The following OR7G3 variants were observed in gnomAD, a reference collection of about 807,000 sequenced individuals.
OR7G3 encodes olfactory receptor 7G3.
For missense variants in OR7G3, 352 were observed against 372.1 expected, an observed-to-expected ratio of 0.95 and a Z score of 0.44; for synonymous variants, 143 against 157.6, an observed-to-expected ratio of 0.91 and a Z score of 0.69.
In OR7G3 at chr19:9,126,325, A is replaced by G; in HGVS notation, c.626T>C (p.Val209Ala). 6.2e-7 allele frequency: 1 copy of G among 1,614,206 alleles called. No homozygotes were observed. The highest frequency in any genetic ancestry group is 8.5e-7 in the Non-Finnish European group (1 of 1,180,032). ...VYLVTSLLGVVPLSGIIFSYT... is the reference protein window; with the variant it reads ...VYLVTSLLGVAPLSGIIFSYT... ...AGAGAAAATGATCCCAGAGAGAGGA[A>G]CAACACCTAACAGGCTGGTCACCAA... The change falls in exon 1 of 1, where the codon GTT (valine) becomes GCT (alanine). Residue 209 changes from valine to alanine, a missense_variant. Transcript: ENST00000305444.
rs1334184458 is a variant in OR7G3 at position 9,126,682 on chromosome 19, T to C, written c.269A>G (p.Gln90Arg). 1.9e-6 allele frequency: 3 copies of C among 1,613,998 alleles called. No homozygotes were observed. The highest frequency in any genetic ancestry group is 3.3e-5 in the Admixed American group (2 of 59,960). ...GAGGCAGCCTGTGTAATTGATGGAT[T>C]GAGCCTGTGCCTGGATGTTCACCAG... is the stretch of plus-strand genomic sequence containing the variant. ...KMLVNIQAQA[Q>R]SINYTGCLTQ... is the part of the protein sequence containing the mutation. The change falls in exon 1 of 1, where the codon CAA becomes CGA. Residue 90 changes from glutamine to arginine, a missense_variant. Gln to Arg is a conservative substitution (Grantham distance 43, BLOSUM62 1). Coordinates refer to ENST00000305444, the MANE Select transcript of OR7G3 (RefSeq NM_001001958.1).
chr19:9,126,847 T>A lies in OR7G3; in HGVS notation c.104A>T (p.Tyr35Phe), dbSNP rs1487842963. ...CAGGTTCCCCAGCATTGTGGCCAGG[T>A]ACATGGACAGGAACAGCATGAAGAG... Reference protein sequence around the residue: ...PILFMLFLSMYLATMLGNLLI... With the variant: ...PILFMLFLSMFLATMLGNLLI... The change falls in exon 1 of 1, where the codon TAC (tyrosine) becomes TTC (phenylalanine). Residue 35 changes from tyrosine (Y) to phenylalanine (F), a missense_variant. Physicochemically the swap from Tyr to Phe is conservative, Grantham distance 22. Coordinates refer to ENST00000305444, the MANE Select transcript of OR7G3 (RefSeq NM_001001958.1). 2 of 1,613,776 alleles carry A rather than the reference T, an allele frequency of 1.2e-6. No homozygotes were observed. The highest frequency in any genetic ancestry group is 1.7e-6 in the Non-Finnish European group (2 of 1,179,956).
chr19:9,126,176 A>G lies in OR7G3; in HGVS notation c.775T>C (p.Tyr259His), dbSNP rs1263866639. Reference protein sequence around the residue: ...SLFYGTGFGVYLSSGATHSSR... With the variant: ...SLFYGTGFGVHLSSGATHSSR... ...GAGTGGGTAGCCCCAGAACTAAGGT[A>G]CACCCCAAACCCTGTTCCATAAAAC... The change falls in exon 1 of 1, where the codon TAC becomes CAC. Residue 259 changes from tyrosine to histidine, a missense_variant. Physicochemically the swap from Tyr to His is moderately conservative, Grantham distance 83. Transcript: ENST00000305444. The G allele has an allele frequency of 6.2e-7, 1 of 1,614,224 alleles. No individual in the cohort carries two copies. The highest frequency in any genetic ancestry group is 8.5e-7 in the Non-Finnish European group (1 of 1,180,050).
rs766942254 is a variant in OR7G3 at position 9,126,527 on chromosome 19, C to T, written c.424G>A (p.Gly142Arg). 1.1e-5 allele frequency: 17 copies of T among 1,614,154 alleles called. No individual in the cohort carries two copies. The South Asian group carries it at 1.9e-4, about 18-fold the overall frequency. The part of the protein sequence containing the change: ...YNVIMNPKLC[G>R]LLLLLSFIVS... ...ATGAAGGACAGCAGAAGCAGCAGCC[C>T]ACAGAGTTTGGGGTTCATGATGACA... The change falls in exon 1 of 1, where the codon GGG (glycine) becomes AGG (arginine). Residue 142 changes from glycine to arginine, a missense_variant. Coordinates refer to ENST00000305444, the MANE Select transcript of OR7G3 (RefSeq NM_001001958.1).
rs1353624416 is a variant in OR7G3, at chr19:9,126,850, A to G, written c.101T>C (p.Met34Thr). 7 of 1,613,890 alleles carry G rather than the reference A, an allele frequency of 4.3e-6. No individual in the cohort carries two copies. Among genetic ancestry groups the G allele is most frequent in the South Asian group, 2.2e-5 (2 of 91,056 alleles). Residue 34 changes from methionine (M) to threonine (T), a missense_variant, in exon 1 of 1, where the codon ATG becomes ACG. Transcript: ENST00000305444. ...GTTCCCCAGCATTGTGGCCAGGTACATGGACAGGAACAGCATGAAGAGGAT... is the reference window on the plus strand; with the variant it reads ...GTTCCCCAGCATTGTGGCCAGGTACGTGGACAGGAACAGCATGAAGAGGAT... Reference protein sequence around the residue: ...QPILFMLFLSMYLATMLGNLL... With the variant: ...QPILFMLFLSTYLATMLGNLL...
rs371592917 is a variant in OR7G3, at chr19:9,126,045, C to T, written c.906G>A (p.Arg302=). 6.2e-7 allele frequency: 1 copy of T among 1,610,784 alleles called. No homozygotes were observed. Among genetic ancestry groups the T allele is most frequent in the Non-Finnish European group, 8.5e-7 (1 of 1,177,608 alleles). ...AAGATGGTATCCTAGATATTAGTTT[C>T]CTCAAAGCCTTCAACATGTCCTTGT... is the stretch of plus-strand genomic sequence containing the variant. ...LRNKDMLKAL[R]KLISRIPSFH The change falls in exon 1 of 1, where the codon AGG becomes AGA. Residue 302 remains arginine, a synonymous_variant. Transcript: ENST00000305444.
Position 9,126,336 on chromosome 19 carries a change from C to T in OR7G3, c.615G>A (p.Leu205=). ...NNILVYLVTS[L]LGVVPLSGII... ...TCCCAGAGAGAGGAACAACACCTAA[C>T]AGGCTGGTCACCAAATACACCAGGA... The change falls in exon 1 of 1, where the codon CTG becomes CTA. Residue 205 remains leucine, a synonymous_variant. Transcript: ENST00000305444. 1.2e-6 allele frequency: 2 copies of T among 1,614,112 alleles called. No individual in the cohort carries two copies. The highest frequency in any genetic ancestry group is 1.7e-6 in the Non-Finnish European group (2 of 1,179,958).
Position 9,126,865 on chromosome 19 carries a change from A to T in OR7G3, c.86T>A (p.Met29Lys), listed in dbSNP as rs914911297. The change falls in exon 1 of 1, where the codon ATG becomes AAG. Residue 29 changes from methionine (M) to lysine (K), a missense_variant. By Grantham distance (95) the Met-to-Lys change is moderately conservative. Transcript: ENST00000305444. ...GDPELQPILF[M>K]LFLSMYLATM... is the part of the protein sequence containing the mutation. Reference sequence around the variant, plus strand: ...GGCCAGGTACATGGACAGGAACAGCATGAAGAGGATGGGCTGCAGCTCCGG... The same window carrying T: ...GGCCAGGTACATGGACAGGAACAGCTTGAAGAGGATGGGCTGCAGCTCCGG... 1 of 1,613,868 alleles carries T rather than the reference A, an allele frequency of 6.2e-7. No homozygotes were observed. The highest frequency in any genetic ancestry group is 8.5e-7 in the Non-Finnish European group (1 of 1,179,870).
chr19:9,126,417 G>T lies in OR7G3; in HGVS notation c.534C>A (p.Phe178Leu), dbSNP rs1315306969. The T allele has an allele frequency of 6.2e-7, 1 of 1,614,084 alleles. No individual in the cohort carries two copies. The highest frequency in any genetic ancestry group is 1.3e-5 in the African/African-American group (1 of 75,018). ...GCTTGAGAATATGAGCTAGTTCACA[G>T]AAAAAGTGGGGAATTTCCAGGTCTA... ...FCIDLEIPHFFCELAHILKLA... is the reference protein window; with the variant it reads ...FCIDLEIPHFLCELAHILKLA... Residue 178 changes from phenylalanine (F) to leucine (L), a missense_variant, in exon 1 of 1, where the codon TTC (phenylalanine) becomes TTA (leucine). Physicochemically the swap from Phe to Leu is conservative, Grantham distance 22. Coordinates refer to ENST00000305444, the MANE Select transcript of OR7G3 (RefSeq NM_001001958.1).
chr19:9,126,750 G>A lies in OR7G3; in HGVS notation c.201C>T (p.Ser67=), dbSNP rs78118029. Residue 67 remains serine (S), a synonymous_variant, in exon 1 of 1, where the codon TCC becomes TCT. Coordinates refer to ENST00000305444, the MANE Select transcript of OR7G3 (RefSeq NM_001001958.1). ...TPMYFLLSIL[S]LVDICFTSTT... ...TGGAGGTGAAACAGATGTCGACCAA[G>A]GACAGGATAGAGAGGAGGAAGTACA... The A allele has an allele frequency of 4.6e-5, 74 of 1,613,958 alleles. No individual in the cohort carries two copies. The East Asian group carries it at 1.6e-3, about 35-fold the overall frequency.
rs1432748755 is a variant in OR7G3, at chr19:9,126,740, T to C, written c.211A>G (p.Ile71Val). 4 of 1,613,798 alleles carry C rather than the reference T, an allele frequency of 2.5e-6. No individual in the cohort carries two copies. In the South Asian group the frequency reaches 3.3e-5, roughly 13 times the overall value. Reference sequence around the variant, plus strand: ...GGCATCGTGGTGGAGGTGAAACAGATGTCGACCAAGGACAGGATAGAGAGG... The same window carrying C: ...GGCATCGTGGTGGAGGTGAAACAGACGTCGACCAAGGACAGGATAGAGAGG... ...FLLSILSLVD[I>V]CFTSTTMPKM... Residue 71 changes from isoleucine (I) to valine (V), a missense_variant, in exon 1 of 1, where the codon ATC becomes GTC. Coordinates refer to ENST00000305444, the MANE Select transcript of OR7G3 (RefSeq NM_001001958.1).
rs369016592 is a variant in OR7G3, at chr19:9,126,452, T to A, written c.499A>T (p.Thr167Ser). ...LLHTLMVLQL[T>S]FCIDLEIPHF... ...GGAATTTCCAGGTCTATGCAGAAGG[T>A]CAGCTGTAGCACCATCAACGTGTGC... Residue 167 changes from threonine to serine, a missense_variant, in exon 1 of 1, where the codon ACC (threonine) becomes TCC (serine). Transcript: ENST00000305444. The A allele has an allele frequency of 6.2e-7, 1 of 1,614,038 alleles. No homozygotes were observed. The highest frequency in any genetic ancestry group is 1.1e-5 in the South Asian group (1 of 91,078).
chr19:9,126,482 G>C lies in OR7G3; in HGVS notation c.469C>G (p.Leu157Val). The change falls in exon 1 of 1, where the codon CTG becomes GTG. Residue 157 changes from leucine to valine, a missense_variant. Physicochemically the swap from Leu to Val is conservative, Grantham distance 32 (BLOSUM62 1). Transcript: ENST00000305444. Reference sequence around the variant, plus strand: ...TGTAGCACCATCAACGTGTGCAGCAGAGCATCCAGGACACTAACGATGAAG... The same window carrying C: ...TGTAGCACCATCAACGTGTGCAGCACAGCATCCAGGACACTAACGATGAAG... ...LSFIVSVLDA[L>V]LHTLMVLQLT... 3 of 1,614,150 alleles carry C rather than the reference G, an allele frequency of 1.9e-6. No individual in the cohort carries two copies. The highest frequency in any genetic ancestry group is 2.5e-6 in the Non-Finnish European group (3 of 1,180,008).
Position 9,126,926 on chromosome 19 carries a change from T to G in OR7G3, c.25A>C (p.Thr9Pro). Residue 9 changes from threonine (T) to proline (P), a missense_variant, in exon 1 of 1, where the codon ACT (threonine) becomes CCT (proline). Coordinates refer to ENST00000305444, the MANE Select transcript of OR7G3 (RefSeq NM_001001958.1). ...AATCCCAAGAGAAAGAATTCTGGAG[T>G]GTCTGAGAAGTTTCCTGCTTTCATG... MKAGNFSDTPEFFLLGLSG... is the reference protein window; with the variant it reads MKAGNFSDPPEFFLLGLSG... 1.9e-6 allele frequency: 3 copies of G among 1,592,372 alleles called. No homozygotes were observed. Among genetic ancestry groups the G allele is most frequent in the Non-Finnish European group, 1.7e-6 (2 of 1,169,454 alleles).
At position 9,126,722 on chromosome 19, in the gene OR7G3, T is replaced by C; in HGVS notation, c.229A>G (p.Thr77Ala). Residue 77 changes from threonine to alanine, a missense_variant, in exon 1 of 1, where the codon ACG (threonine) becomes GCG (alanine). Thr to Ala is a moderately conservative substitution (Grantham distance 58, BLOSUM62 0). Transcript: ENST00000305444. ...ATGTTCACCAGCATCTTGGGCATCG[T>C]GGTGGAGGTGAAACAGATGTCGACC... The part of the protein sequence containing the change: ...SLVDICFTST[T>A]MPKMLVNIQA... 6.2e-7 allele frequency: 1 copy of C among 1,614,004 alleles called. No individual in the cohort carries two copies. Among genetic ancestry groups the C allele is most frequent in the Non-Finnish European group, 8.5e-7 (1 of 1,179,976 alleles).
In OR7G3 at chr19:9,126,064, T is replaced by C. The variant is rs1244278988; in HGVS notation, c.887A>G (p.Asp296Gly). Residue 296 changes from aspartate to glycine, a missense_variant, in exon 1 of 1, where the codon GAC (aspartate) becomes GGC (glycine). Asp to Gly is a moderately conservative substitution (Grantham distance 94, BLOSUM62 -1). Coordinates refer to ENST00000305444, the MANE Select transcript of OR7G3 (RefSeq NM_001001958.1). ...TAGTTTCCTCAAAGCCTTCAACATGTCCTTGTTTCTCAGGCTGTAAATGAG... is the reference window on the plus strand; with the variant it reads ...TAGTTTCCTCAAAGCCTTCAACATGCCCTTGTTTCTCAGGCTGTAAATGAG... ...NPLIYSLRNKDMLKALRKLIS... is the reference protein window; with the variant it reads ...NPLIYSLRNKGMLKALRKLIS... 2.5e-6 allele frequency: 4 copies of C among 1,613,238 alleles called. No individual in the cohort carries two copies. In the East Asian group the frequency reaches 8.9e-5, roughly 36 times the overall value.
chr19:9,126,412 TC>T lies in OR7G3; in HGVS notation c.538del (p.Glu180AsnfsTer2), dbSNP rs1397027836. 37 of 1,613,916 alleles carry T rather than the reference TC, an allele frequency of 2.3e-5. No individual in the cohort carries two copies. Among genetic ancestry groups the T allele is most frequent in the Non-Finnish European group, 2.9e-5 (34 of 1,179,990 alleles). On this transcript the variant is annotated frameshift_variant, in exon 1 of 1. Coordinates refer to ENST00000305444, the MANE Select transcript of OR7G3 (RefSeq NM_001001958.1). LOFTEE classifies it low-confidence loss of function (END_TRUNC). ...IDLEIPHFFC[E>X]LAHILKLACS... ...GGCGAGCTTGAGAATATGAGCTAGT[TC>T]ACAGAAAAAGTGGGGAATTTCCAGG...
At position 9,126,395 on chromosome 19, in the gene OR7G3, T is replaced by G. The variant is rs765698842; in HGVS notation, c.556A>C (p.Lys186Gln). The change falls in exon 1 of 1, where the codon AAG (lysine) becomes CAG (glutamine). Residue 186 changes from lysine (K) to glutamine (Q), a missense_variant. By Grantham distance (53) the Lys-to-Gln change is moderately conservative. Transcript: ENST00000305444. Reference sequence around the variant, plus strand: ...ATGAGGACATCAGAACAGGCGAGCTTGAGAATATGAGCTAGTTCACAGAAA... The same window carrying G: ...ATGAGGACATCAGAACAGGCGAGCTGGAGAATATGAGCTAGTTCACAGAAA... ...HFFCELAHIL[K>Q]LACSDVLINN... 1 of 1,614,010 alleles carries G rather than the reference T, an allele frequency of 6.2e-7. No individual in the cohort carries two copies. The highest frequency in any genetic ancestry group is 8.5e-7 in the Non-Finnish European group (1 of 1,179,964).
In OR7G3 at chr19:9,126,900, CAATCCCAAGAGAAAG is replaced by C; in HGVS notation, c.36_50del (p.Phe12_Gly16del). 1 of 1,608,410 alleles carries C rather than the reference CAATCCCAAGAGAAAG, an allele frequency of 6.2e-7. No individual in the cohort carries two copies. The highest frequency in any genetic ancestry group is 1.1e-5 in the South Asian group (1 of 90,146). On this transcript the variant is annotated inframe_deletion, in exon 1 of 1. Coordinates refer to ENST00000305444, the MANE Select transcript of OR7G3 (RefSeq NM_001001958.1). ...TGGGCTGCAGCTCCGGATCCCCTGACAATCCCAAGAGAAAGAATTCTGGAGTGTCTGAGAAGTTTC... is the reference window on the plus strand; with the variant it reads ...TGGGCTGCAGCTCCGGATCCCCTGACAATTCTGGAGTGTCTGAGAAGTTTC...
Sources: gnomAD v4.1 joint callset for allele counts on GRCh38, gnomAD v4.1.1 for gene constraint, MANE v1.5 for transcripts, NCBI Gene and HGNC (gene_info 2026-07-23, HGNC 2026-07-21) for gene names.